FGFR3: variants seen among roughly 807,000 people sequenced by gnomAD.
The protein encoded by FGFR3 is FGFR-3.
A neutral mutation model predicts 82.9 loss-of-function variants in FGFR3; 25 were observed. The observed-to-expected ratio is 0.30, with a 90% CI of 0.22 to 0.42. The LOEUF (loss-of-function observed/expected upper bound fraction) is 0.42. FGFR3 is among the 10% of genes least tolerant of loss of function. FGFR3 has a pLI of 1.00. For synonymous variants in FGFR3, 620 were observed against 516.0 expected (o/e 1.20, Z -2.73); for missense variants, 1,026 against 1,161.0 (o/e 0.88, Z 1.69).
chr4:1,803,907 C>T, intron 8 of FGFR3, 71 bp downstream of exon 8: 3 of 1,489,202 alleles, frequency 2.0e-6, no homozygotes, highest in South Asian at 2.3e-5. Flanking sequence ...GCCAAAGCTG[C>T]CAGGACGGAC....
In FGFR3 at chr4:1,794,009, G is replaced by A. The variant is rs762402180; in HGVS notation, c.75G>A (p.Leu25=). The part of the protein sequence containing the change: ...AIVAGASSES[L]GTEQRVVGRA... Reference sequence around the variant, plus strand: ...TGGCCGGCGCCTCCTCGGAGTCCTTGGGGACGGAGCAGCGCGTCGTGGGGC... The same window carrying A: ...TGGCCGGCGCCTCCTCGGAGTCCTTAGGGACGGAGCAGCGCGTCGTGGGGC... Residue 25 remains leucine, a synonymous_variant, in exon 2 of 18, where the codon TTG becomes TTA. Transcript: ENST00000440486. 2.0e-5 allele frequency: 29 copies of A among 1,415,144 alleles called. No homozygotes were observed. In the Middle Eastern group the frequency reaches 7.4e-4, roughly 36 times the overall value. 87.7% of individuals were successfully genotyped at this position (1,415,144 alleles called of 1,614,324 possible). A position where few individuals can be genotyped will look rare whatever the true frequency, so the allele number is the denominator to read the frequency against.
chr4:1,796,845 C>T (rs1215318011), intron 2 of FGFR3, among the ~76,000 whole-genome samples: 1 of 152,190 alleles, frequency 6.6e-6, no homozygotes, highest in East Asian at 1.9e-4. Flanking sequence ...CCTCCCTGAG[C>T]TCCTGGGCCT....
At position 1,803,702 on chromosome 4, in the gene FGFR3, C is replaced by G; in HGVS notation, c.941C>G (p.Ala314Gly). Residue 314 changes from alanine (A) to glycine (G), a missense_variant, in exon 8 of 18, where the codon GCT becomes GGT. By Grantham distance (60) the Ala-to-Gly change is moderately conservative. This residue lies in a region of FGFR3 where 256 missense variants were observed against 217.6 expected (regional missense o/e 1.18). Coordinates refer to ENST00000440486, the MANE Select transcript of FGFR3 (RefSeq NM_000142.5). ...PYVTVLKTAGANTTDKELEVL... is the reference protein window; with the variant it reads ...PYVTVLKTAGGNTTDKELEVL... ...GCTCTCTCTTTGTAGACGGCGGGCGCTAACACCACCGACAAGGAGCTAGAG... is the reference window on the plus strand; with the variant it reads ...GCTCTCTCTTTGTAGACGGCGGGCGGTAACACCACCGACAAGGAGCTAGAG... The G allele has an allele frequency of 6.2e-7, 1 of 1,613,730 alleles. No individual in the cohort carries two copies. The highest frequency in any genetic ancestry group is 8.5e-7 in the Non-Finnish European group (1 of 1,179,998).
At position 1,795,950 on chromosome 4, in the gene FGFR3, C is replaced by T. The variant is rs1283928037; in HGVS notation, c.109+1907C>T. Among the ~76,000 whole-genome samples the T allele has an allele frequency of 5.3e-5, 8 of 152,164 alleles. No individual in the cohort carries two copies. The East Asian group carries it at 1.5e-3, about 29-fold the overall frequency. On this transcript the variant is annotated intron_variant, in intron 2 of 17. Transcript: ENST00000440486. ...CAGGTCCTTGTGTGAGCCTAGGAAC[C>T]CCTTGTTACCCACCCCCCAGCTCCC... is the stretch of plus-strand genomic sequence containing the variant.
intron 8 of FGFR3, 71 bp downstream of exon 8, chr4:1,803,907 C>A: frequency 6.7e-7 from 1 of 1,489,198 alleles, no homozygotes; most frequent in Non-Finnish European, 9.3e-7. Flanking sequence ...GCCAAAGCTG[C>A]CAGGACGGAC....
intron 2 of FGFR3, 43 bp downstream of exon 2, chr4:1,794,086 G>A (rs942668207): frequency 1.7e-6 from 2 of 1,196,068 alleles, no homozygotes; most frequent in South Asian, 2.4e-5. Context: ...CGGCCCGTGC[G>A]GGCAGAGGCG....
intron 10 of FGFR3, 98 bp from the exon 11 acceptor site, chr4:1,805,257 T>C: frequency 4.4e-6 from 7 of 1,580,300 alleles, no homozygotes; most frequent in Non-Finnish European, 6.0e-6. Context: ...AGGTGGTGGC[T>C]CTGGGCCTCA....
chr4:1,800,093 G>C (rs1265401728), intron 4 of FGFR3, among the ~76,000 whole-genome samples: 1 of 152,116 alleles, frequency 6.6e-6, no homozygotes, highest in East Asian at 1.9e-4. Flanking sequence ...AGGAGGCCAG[G>C]GCTGGCCTGT....
At position 1,805,659 on chromosome 4, in the gene FGFR3, C is replaced by G. The variant is rs1721807055; in HGVS notation, c.1635C>G (p.Cys545Trp). 1 of 1,612,892 alleles carries G rather than the reference C, an allele frequency of 6.2e-7. No individual in the cohort carries two copies. Among genetic ancestry groups the G allele is most frequent in the African/African-American group, 1.3e-5 (1 of 74,926 alleles). ...ACATCATCAACCTGCTGGGCGCCTG[C>G]ACGCAGGGCGGTAGGTGCGGTAGCG... Reference protein sequence around the residue: ...HKNIINLLGACTQGGPLYVLV... With the variant: ...HKNIINLLGAWTQGGPLYVLV... The change falls in exon 12 of 18, where the codon TGC becomes TGG. Residue 545 changes from cysteine to tryptophan, a missense_variant. Cys to Trp is a radical substitution (Grantham distance 215). Coordinates refer to ENST00000440486, the MANE Select transcript of FGFR3 (RefSeq NM_000142.5).
chr4:1,802,490 C>T (rs950957315), intron 7 of FGFR3, among the ~76,000 whole-genome samples: 10 of 152,156 alleles, frequency 6.6e-5, no homozygotes, highest in African/African-American at 1.9e-4. Flanking sequence ...CCATGGCTGC[C>T]GGGTGGGGGC....
In FGFR3 at chr4:1,808,565, T is replaced by G. The variant is rs370751685; in HGVS notation, c.*1303T>G. ...ATATCTATATATATAATTTATTGAGTTTTTACAAGATGTATTTGTTGTAGA... is the reference window on the plus strand; with the variant it reads ...ATATCTATATATATAATTTATTGAGGTTTTACAAGATGTATTTGTTGTAGA... On this transcript the variant is annotated 3_prime_UTR_variant, in exon 18 of 18. Coordinates refer to ENST00000440486, the MANE Select transcript of FGFR3 (RefSeq NM_000142.5). 1.3e-5 allele frequency: 3 copies of G among 230,278 alleles called. No homozygotes were observed. The highest frequency in any genetic ancestry group is 6.6e-5 in the African/African-American group (3 of 45,128). The allele number at this position is 230,278 out of a possible 1,614,324, so 14.3% of individuals were successfully genotyped here.
intron 9 of FGFR3, 47 bp from the exon 10 acceptor site, chr4:1,804,777 G>A (rs555738529): frequency 5.8e-6 from 9 of 1,547,952 alleles, no homozygotes; most frequent in African/African-American, 1.4e-5. Flanking sequence ...GTACCTCCAC[G>A]CCCTGTCGCC....
chr4:1,802,944 G>C (rs764395593), intron 7 of FGFR3: 12 of 1,602,632 alleles, frequency 7.5e-6, no homozygotes, highest in South Asian at 1.1e-5. Context: ...GGAGGCCGAC[G>C]TGCGCCTCCG....
In FGFR3 at chr4:1,805,841, C is replaced by T. The variant is rs200589145; in HGVS notation, c.1737C>T (p.Phe579=). The T allele has an allele frequency of 2.5e-5, 41 of 1,612,418 alleles. No individual in the cohort carries two copies. Among genetic ancestry groups the T allele is most frequent in the Non-Finnish European group, 1.9e-5 (23 of 1,179,880 alleles). ...GGCCCCCGGGCCTGGACTACTCCTT[C>T]GACACCTGCAAGCCGCCCGAGGAGC... ...ARRPPGLDYS[F]DTCKPPEEQL... is the part of the protein sequence containing the mutation. The change falls in exon 13 of 18, where the codon TTC becomes TTT. Residue 579 remains phenylalanine (F), a synonymous_variant. Coordinates refer to ENST00000440486, the MANE Select transcript of FGFR3 (RefSeq NM_000142.5).
rs1473834328 is a variant in FGFR3 at position 1,806,158 on chromosome 4, C to T, written c.1944C>T (p.Tyr648=). Residue 648 remains tyrosine (Y), a synonymous_variant, in exon 14 of 18, where the codon TAC becomes TAT. Transcript: ENST00000440486. ...GGGACGTGCACAACCTCGACTACTA[C>T]AAGAAGACGACCAACGTGAGCCCGG... The part of the protein sequence containing the change: ...LARDVHNLDY[Y]KKTTNGRLPV... 1.2e-6 allele frequency: 2 copies of T among 1,612,926 alleles called. No homozygotes were observed. Among genetic ancestry groups the T allele is most frequent in the African/African-American group, 2.7e-5 (2 of 74,934 alleles).
At chr4:1,794,690 G>T (rs1391509902) in intron 2 of FGFR3, among the ~76,000 whole-genome samples, 2 of 152,126 alleles carry the variant, frequency 1.3e-5, no homozygotes, top group Admixed American at 1.3e-4. Flanking sequence ...GACGTCGAGG[G>T]TCTGAAGGGA....
intron 2 of FGFR3, among the ~76,000 whole-genome samples, chr4:1,797,498 C>T (rs986234466): frequency 1.3e-5 from 2 of 152,218 alleles, no homozygotes; most frequent in African/African-American, 4.8e-5. Context: ...CTGGACCAGG[C>T]TGAAGCAAAT....
Position 1,807,804 on chromosome 4 carries a change from G to A in FGFR3, c.*542G>A. On this transcript the variant is annotated 3_prime_UTR_variant, in exon 18 of 18. Coordinates refer to ENST00000440486, the MANE Select transcript of FGFR3 (RefSeq NM_000142.5). ...TGCCCCTCAGAGACTGAAATTACGG[G>A]TACCTGAAGATGGGAGCCTTTACCT... The A allele has an allele frequency of 2.0e-6, 1 of 502,160 alleles. No individual in the cohort carries two copies. The highest frequency in any genetic ancestry group is 3.8e-6 in the Non-Finnish European group (1 of 262,820). 31.1% of individuals were successfully genotyped at this position (502,160 alleles called of 1,614,324 possible).
chr4:1,804,732 C>CG, intron 9 of FGFR3, 92 bp from the exon 10 acceptor site: 1 of 1,491,700 alleles, frequency 6.7e-7, no homozygotes, highest in Non-Finnish European at 9.1e-7. Flanking sequence ...GAAGTCAGAA[C>CG]GCCCCCCCTT....
Sources: allele counts gnomAD v4.1 joint callset (sites outside exome capture counted in the v4.1 genomes callset), GRCh38; gene constraint gnomAD v4.1.1; regional missense constraint gnomAD v4.1.1; transcripts MANE v1.5; gene names NCBI Gene and HGNC (gene_info 2026-07-23, HGNC 2026-07-21).